Variants in EHD4 observed in about 807,000 individuals in gnomAD.
EHD4 encodes EH domain containing 4.
EHD4 carries 37 observed loss-of-function variants against 51.0 expected under a neutral mutation model. That is an observed-to-expected ratio of 0.73 (90% confidence interval 0.56 to 0.95). The LOEUF is 0.95. Among genes scored for constraint, EHD4 ranks in the 40% least tolerant of loss-of-function variants. EHD4 has a pLI of 0.00. For synonymous variants in EHD4, 297 were observed against 317.3 expected, an observed-to-expected ratio of 0.94 and a Z score of 0.68; for missense variants, 632 against 733.1, an observed-to-expected ratio of 0.86 and a Z score of 1.59.
intron 2 of EHD4, among the ~76,000 whole-genome samples, chr15:41,945,627 C>G (rs561973327): frequency 2.6e-5 from 4 of 152,318 alleles, no homozygotes; most frequent in Non-Finnish European, 4.4e-5. Context: ...GGCAAGAGAA[C>G]AGAAAGGAGC....
Position 41,900,576 on chromosome 15 carries a change from GT to G in EHD4, c.*68del, listed in dbSNP as rs2067468883. On this transcript the variant is annotated 3_prime_UTR_variant, in exon 6 of 6. Coordinates refer to ENST00000220325, the MANE Select transcript of EHD4 (RefSeq NM_139265.4). The surrounding 1 kb of genome is among the most constrained non-coding windows in gnomAD (Gnocchi z 4.8). ...GCAGTGCCTTGCCCAAGGTCATTCG[GT>G]GAGTCAGTGGTGGAGCAGGCCTGAG... 3 of 1,449,950 alleles carry G rather than the reference GT, an allele frequency of 2.1e-6. No individual in the cohort carries two copies. The highest frequency in any genetic ancestry group is 2.7e-6 in the Non-Finnish European group (3 of 1,091,120). The allele number at this position is 1,449,950 out of a possible 1,614,324, so 89.8% of individuals were successfully genotyped here.
At chr15:41,954,018 AT>A (rs1357597826) in intron 1 of EHD4, 78 bp from the exon 2 acceptor site, 9 of 1,446,090 alleles carry the variant, frequency 6.2e-6, no homozygotes, top group Middle Eastern at 2.3e-4. Flanking sequence ...GGGATTACCA[AT>A]TTTTTTACAT....
At position 41,952,119 on chromosome 15, in the gene EHD4, G is replaced by A. The variant is rs1016319981; in HGVS notation, c.413+1645C>T. ...TCTTCCACAGAAGGCACCTGCGGAG[G>A]GGCCTGGGTGGCCCTCAGCCGAGCC... On this transcript the variant is annotated intron_variant, in intron 2 of 5. Coordinates refer to ENST00000220325, the MANE Select transcript of EHD4 (RefSeq NM_139265.4). Among the ~76,000 whole-genome samples, 103 of 152,336 alleles carry A rather than the reference G, an allele frequency of 6.8e-4. 1 individual carries two copies. Among genetic ancestry groups the A allele is most frequent in the African/African-American group, 2.4e-3 (99 of 41,570 alleles).
rs1435096106 is a variant in EHD4, at chr15:41,898,778, A to C, written c.*1867T>G. 6.6e-6 allele frequency: 1 copy of C among 152,214 alleles called. No homozygotes were observed. 9.4% of individuals were successfully genotyped at this position (152,214 alleles called of 1,614,324 possible). A position where few individuals can be genotyped will look rare whatever the true frequency, so the allele number is the denominator to read the frequency against. On this transcript the variant is annotated 3_prime_UTR_variant, in exon 6 of 6. Transcript: ENST00000220325. The stretch of plus-strand genomic sequence containing the variant: ...CTTGAACCTGGGAGGCGGAGGTTGC[A>C]GTGAACTGAGATTGCGCCACTGCAC...
chr15:41,964,772 A>AT (rs1555383542), intron 1 of EHD4, among the ~76,000 whole-genome samples: 6,547 of 143,192 alleles, frequency 0.046, 195 homozygotes, highest in East Asian at 0.097. Context: ...AAAAAAAAAA[A>AT]ATATATATAT....
rs571889332 is a variant in EHD4, at chr15:41,902,837, A to ACG, written c.1090-1657_1090-1656insCG. On this transcript the variant is annotated intron_variant, in intron 5 of 5. Coordinates refer to ENST00000220325, the MANE Select transcript of EHD4 (RefSeq NM_139265.4). ...TATATATGTATGTATATATATACAT[A>ACG]TGTATATATATATGTTAGGGAGAGG... 1.6e-3 allele frequency among the ~76,000 whole-genome samples: 161 copies of ACG among 103,092 alleles called. 3 individuals carry two copies. In the East Asian group the frequency reaches 0.05, roughly 32 times the overall value. 67.6% of individuals were successfully genotyped at this position (103,092 alleles called of 152,430 possible). A position where few individuals can be genotyped will look rare whatever the true frequency, so the allele number is the denominator to read the frequency against.
At chr15:41,957,119 T>A (rs1460364456) in intron 1 of EHD4, among the ~76,000 whole-genome samples, 1 of 152,118 alleles carries the variant, frequency 6.6e-6, no homozygotes, top group South Asian at 2.1e-4. Context: ...TCGCTTGGCC[T>A]AGGAGTTCGA....
chr15:41,923,809 G>A (rs1231972533), intron 3 of EHD4, among the ~76,000 whole-genome samples: 1 of 152,206 alleles, frequency 6.6e-6, no homozygotes, highest in East Asian at 1.9e-4. Flanking sequence ...CACAGGTCGA[G>A]GAAACAGAAC....
chr15:41,896,911 A>G lies in EHD4; in HGVS notation c.*3734T>C, dbSNP rs1480624726. ...ACAGGAAGAGTTGGGGCTCACAGGC[A>G]CACCCTCTCCCTAACTCTTCTCCCC... On this transcript the variant is annotated 3_prime_UTR_variant, in exon 6 of 6. Transcript: ENST00000220325. 1.3e-5 allele frequency: 2 copies of G among 152,062 alleles called. No homozygotes were observed. Among genetic ancestry groups the G allele is most frequent in the African/African-American group, 4.8e-5 (2 of 41,386 alleles). 9.4% of individuals were successfully genotyped at this position (152,062 alleles called of 1,614,324 possible).
chr15:41,966,634 CCT>C (rs1201473408), intron 1 of EHD4, among the ~76,000 whole-genome samples: 1 of 152,192 alleles, frequency 6.6e-6, no homozygotes, highest in Non-Finnish European at 1.5e-5. Flanking sequence ...CCTGCCCACC[CCT>C]GAGAAGGAAC....
At chr15:41,918,848 C>T (rs1394889782) in intron 4 of EHD4, among the ~76,000 whole-genome samples, 4 of 152,232 alleles carry the variant, frequency 2.6e-5, no homozygotes, top group East Asian at 1.9e-4. Context: ...ATATTCCTAT[C>T]GTCCTGACAT....
At chr15:41,957,801 T>C (rs1243591186) in intron 1 of EHD4, among the ~76,000 whole-genome samples, 2 of 152,226 alleles carry the variant, frequency 1.3e-5, no homozygotes, top group Non-Finnish European at 2.9e-5. Context: ...GAAACTCAGA[T>C]TCATCTGTTA....
chr15:41,928,813 C>G (rs1472839332), intron 3 of EHD4: 2 of 152,208 alleles, frequency 1.3e-5, no homozygotes, highest in Non-Finnish European at 2.9e-5. Flanking sequence ...GCAATGGGAC[C>G]TGCTGATGAC....
At chr15:41,933,775 T>C (rs1412481882) in intron 3 of EHD4, among the ~76,000 whole-genome samples, 1 of 152,148 alleles carries the variant, frequency 6.6e-6, no homozygotes, top group East Asian at 1.9e-4. Context: ...ACCTGAAAAC[T>C]TAAAAAAATT....
intron 3 of EHD4, among the ~76,000 whole-genome samples, chr15:41,919,986 T>A (rs116999021): frequency 0.027 from 4,042 of 152,202 alleles, 93 homozygotes; most frequent in South Asian, 0.055. Flanking sequence ...AGGCCATGGG[T>A]CAAAAGATCT....
Position 41,963,365 on chromosome 15 carries a change from G to A in EHD4, c.236+8894C>T, listed in dbSNP as rs530852591. Among the ~76,000 whole-genome samples the A allele has an allele frequency of 1.3e-4, 19 of 151,298 alleles. No individual in the cohort carries two copies. The East Asian group carries it at 3.7e-3, about 29-fold the overall frequency. On this transcript the variant is annotated intron_variant, in intron 1 of 5. Transcript: ENST00000220325. ...TGTAATCCCAGCCCTTTGGGAGGCC[G>A]AGACAGGCAGATCACTTGAGGTCAG...
At chr15:41,903,077 T>C (rs923483094) in intron 5 of EHD4, among the ~76,000 whole-genome samples, 4 of 151,898 alleles carry the variant, frequency 2.6e-5, no homozygotes, top group African/African-American at 7.3e-5. Context: ...GAAAAGTGTC[T>C]TCAACAGTAG....
At chr15:41,924,215 G>A (rs2067646372) in intron 3 of EHD4, among the ~76,000 whole-genome samples, 1 of 152,162 alleles carries the variant, frequency 6.6e-6, no homozygotes. Flanking sequence ...TCAGAGGGAT[G>A]GGCTGGTCTC....
intron 3 of EHD4, among the ~76,000 whole-genome samples, chr15:41,940,615 C>T (rs763003319): frequency 2.6e-5 from 4 of 152,138 alleles, no homozygotes; most frequent in South Asian, 2.1e-4. Context: ...CTGTGTCCGT[C>T]GGTGTGGCAG....
Sources: allele counts gnomAD v4.1 joint callset (sites outside exome capture counted in the v4.1 genomes callset), GRCh38; gene constraint gnomAD v4.1.1; non-coding constraint Gnocchi (gnomAD v3.1); transcripts MANE v1.5; gene names NCBI Gene and HGNC (gene_info 2026-07-23, HGNC 2026-07-21).